Variants in MICU1 observed in about 807,000 individuals in gnomAD.
MICU1 encodes the protein mitochondrial calcium uptake 1.
In MICU1, 45 loss-of-function variants were observed where a neutral mutation model predicts 56.8. The ratio of observed to expected loss-of-function variants is 0.79; its 90% CI spans 0.62 to 1.02. The LOEUF is 1.02. MICU1 is among the 50% of genes least tolerant of loss of function. The pLI is 0.00. For missense variants in MICU1, 504 were observed against 587.1 expected (o/e 0.86, Z 1.46); for synonymous variants, 186 against 195.1 (o/e 0.95, Z 0.39).
At chr10:72,472,588 C>T (rs929067930) in intron 8 of MICU1, among the ~76,000 whole-genome samples, 4 of 151,658 alleles carry the variant, frequency 2.6e-5, no homozygotes, top group African/African-American at 4.9e-5. Context: ...AAATCCTATA[C>T]AGTATTTAGT....
At position 72,428,565 on chromosome 10, in the gene MICU1, C is replaced by T. The variant is rs147700650; in HGVS notation, c.934-5194G>A. Among the ~76,000 whole-genome samples the T allele has an allele frequency of 3.8e-3, 585 of 152,278 alleles. 5 individuals carry two copies. Among genetic ancestry groups the T allele is most frequent in the African/African-American group, 0.013 (550 of 41,558 alleles). ...CTGACATCAGGTGATCCACCCGCCTCGGCCTCAAGTGCTGGGATTACAGGC... is the reference window on the plus strand; with the variant it reads ...CTGACATCAGGTGATCCACCCGCCTTGGCCTCAAGTGCTGGGATTACAGGC... On this transcript the variant is annotated intron_variant, in intron 8 of 11. Coordinates refer to ENST00000361114, the MANE Select transcript of MICU1 (RefSeq NM_001195518.2).
At position 72,403,629 on chromosome 10, in the gene MICU1, T is replaced by TTGTGTGTGTGTGTG. The variant is rs60373032; in HGVS notation, c.1180+4286_1180+4299dup. Among the ~76,000 whole-genome samples, 150 of 139,928 alleles carry TTGTGTGTGTGTGTG rather than the reference T, an allele frequency of 1.1e-3. 1 individual carries two copies. The highest frequency in any genetic ancestry group is 1.2e-3 in the Non-Finnish European group (80 of 64,516). The allele number at this position is 139,928 out of a possible 152,430, so 91.8% of individuals were successfully genotyped here. On this transcript the variant is annotated intron_variant, in intron 10 of 11. Transcript: ENST00000361114. ...ATGTAAAAAATATTACATACCAAAA[T>TTGTGTGTGTGTGTG]TGTGTGTGTGTGTGTGTGTGTGTGT...
chr10:72,572,973 C>T (rs1265950306), intron 1 of MICU1, among the ~76,000 whole-genome samples: 1 of 151,952 alleles, frequency 6.6e-6, no homozygotes, highest in Non-Finnish European at 1.5e-5. Flanking sequence ...TGTACTTGCA[C>T]ACTTGTGAAA....
chr10:72,510,578 C>T (rs575400599), intron 5 of MICU1, among the ~76,000 whole-genome samples: 1 of 152,214 alleles, frequency 6.6e-6, no homozygotes, highest in African/African-American at 2.4e-5. Context: ...TAATTTATAG[C>T]ACAGTGTATA....
At position 72,569,235 on chromosome 10, in the gene MICU1, A is replaced by ATTTTTTTTTTTTT. The variant is rs1245936809; in HGVS notation, c.-1-2442_-1-2441insAAAAAAAAAAAAA. On this transcript the variant is annotated intron_variant, in intron 1 of 11. Transcript: ENST00000361114. Reference sequence around the variant, plus strand: ...TATATATATATATATATATATATATATATTTTTTTTTTTTTTTGAGATGGC... The same window carrying ATTTTTTTTTTTTT: ...TATATATATATATATATATATATATATTTTTTTTTTTTTTATTTTTTTTTTTTTTTGAGATGGC... 7.0e-4 allele frequency among the ~76,000 whole-genome samples: 30 copies of ATTTTTTTTTTTTT among 42,562 alleles called. 3 individuals carry two copies. Among genetic ancestry groups the ATTTTTTTTTTTTT allele is most frequent in the Non-Finnish European group, 9.1e-4 (21 of 22,996 alleles). 27.9% of individuals were successfully genotyped at this position (42,562 alleles called of 152,430 possible). A position where few individuals can be genotyped will look rare whatever the true frequency, so the allele number is the denominator to read the frequency against.
chr10:72,454,894 C>T (rs965618007), intron 8 of MICU1, among the ~76,000 whole-genome samples: 2 of 151,626 alleles, frequency 1.3e-5, no homozygotes, highest in African/African-American at 2.4e-5. Context: ...TTGGGAAAAA[C>T]CTAGTTCAGT....
intron 8 of MICU1, among the ~76,000 whole-genome samples, chr10:72,429,800 T>C (rs566630154): frequency 6.6e-6 from 1 of 152,316 alleles, no homozygotes; most frequent in Admixed American, 6.5e-5. Flanking sequence ...CATATCTGAG[T>C]GCTTATACTT....
intron 1 of MICU1, among the ~76,000 whole-genome samples, chr10:72,616,119 GT>G (rs1841973080): frequency 1.3e-5 from 2 of 152,176 alleles, no homozygotes; most frequent in Admixed American, 1.3e-4. Flanking sequence ...TGTCACTTCT[GT>G]TTTGGTTTCT....
At chr10:72,394,045 G>A (rs1040774262) in intron 10 of MICU1, among the ~76,000 whole-genome samples, 6 of 152,192 alleles carry the variant, frequency 3.9e-5, no homozygotes, top group African/African-American at 1.4e-4. Flanking sequence ...GGGATTACAG[G>A]TGTGAGCCAA....
intron 6 of MICU1, chr10:72,501,919 A>G (rs1867080314): frequency 6.6e-6 from 1 of 152,210 alleles, no homozygotes; most frequent in Non-Finnish European, 1.5e-5. Context: ...ATTATATTGC[A>G]TAACATGCTT....
Position 72,508,174 on chromosome 10 carries a change from G to T in MICU1, c.633C>A (p.Phe211Leu). The T allele has an allele frequency of 6.5e-7, 1 of 1,526,894 alleles. No individual in the cohort carries two copies. The highest frequency in any genetic ancestry group is 1.3e-5 in the South Asian group (1 of 75,720). 94.6% of individuals were successfully genotyped at this position (1,526,894 alleles called of 1,614,324 possible). A position where few individuals can be genotyped will look rare whatever the true frequency, so the allele number is the denominator to read the frequency against. The change falls in exon 6 of 12, where the codon TTC becomes TTA. Residue 211 changes from phenylalanine to leucine, a missense_variant. Coordinates refer to ENST00000361114, the MANE Select transcript of MICU1 (RefSeq NM_001195518.2). ...CGLISFSDYI[F>L]LTTVLSTPQR... is the part of the protein sequence containing the mutation. ...ACTTACTGGAAAGAACAGTTGTGAG[G>T]AAAATGTAGTCTGAAAAGGATATGA...
chr10:72,472,369 T>C (rs1345986369), intron 8 of MICU1, among the ~76,000 whole-genome samples: 2 of 152,220 alleles, frequency 1.3e-5, no homozygotes, highest in Non-Finnish European at 2.9e-5. Flanking sequence ...CTATTATTGT[T>C]GAAATCTTTT....
At chr10:72,483,075 C>T (rs1161674424) in intron 6 of MICU1, among the ~76,000 whole-genome samples, 2 of 151,970 alleles carry the variant, frequency 1.3e-5, no homozygotes, top group African/African-American at 4.8e-5. Context: ...AGGCTGGTCT[C>T]GAACTCCTGA....
intron 1 of MICU1, among the ~76,000 whole-genome samples, chr10:72,607,100 G>A (rs1374558937): frequency 6.6e-6 from 1 of 152,046 alleles, no homozygotes; most frequent in Non-Finnish European, 1.5e-5. Context: ...CAATAGTTTG[G>A]GAGGCCAAGG....
Position 72,423,258 on chromosome 10 carries a change from G to C in MICU1, c.1047C>G (p.Leu349=), listed in dbSNP as rs1481773504. ...SKKLTAMQRQ[L]KKHFKEGKGL... ...CCTTTCCTTCTTTGAAGTGCTTCTT[G>C]AGCTGCCTCTGCATGGCGGTCAGCT... is the stretch of plus-strand genomic sequence containing the variant. Residue 349 remains leucine (L), a synonymous_variant, in exon 9 of 12, where the codon CTC becomes CTG. Transcript: ENST00000361114. 6.2e-7 allele frequency: 1 copy of C among 1,613,712 alleles called. No individual in the cohort carries two copies. The highest frequency in any genetic ancestry group is 1.1e-5 in the South Asian group (1 of 91,036).
intron 8 of MICU1, among the ~76,000 whole-genome samples, chr10:72,431,076 A>G (rs1251041130): frequency 6.9e-6 from 1 of 144,340 alleles, no homozygotes; most frequent in Non-Finnish European, 1.5e-5. Flanking sequence ...ACTGCTTTGA[A>G]TATACCTTTA....
intron 6 of MICU1, among the ~76,000 whole-genome samples, chr10:72,498,215 G>C (rs1008575223): frequency 1.1e-4 from 16 of 152,334 alleles, no homozygotes; most frequent in Admixed American, 3.9e-4. Flanking sequence ...CTAGAAGGCA[G>C]AAAATTTAGC....
intron 10 of MICU1, among the ~76,000 whole-genome samples, chr10:72,400,898 CACACA>C (rs1476194420): frequency 6.7e-6 from 1 of 148,670 alleles, no homozygotes; most frequent in African/African-American, 2.6e-5. Context: ...CACACACACA[CACACA>C]CCCTATATGA....
chr10:72,425,019 A>G (rs535220203), intron 8 of MICU1, among the ~76,000 whole-genome samples: 2 of 152,352 alleles, frequency 1.3e-5, no homozygotes, highest in South Asian at 4.1e-4. Flanking sequence ...TCAGGATTCA[A>G]TTTAAGTGTG....
Sources: allele counts gnomAD v4.1 joint callset (sites outside exome capture counted in the v4.1 genomes callset), GRCh38; gene constraint gnomAD v4.1.1; transcripts MANE v1.5; gene names NCBI Gene and HGNC (gene_info 2026-07-23, HGNC 2026-07-21).